GAS7: variants seen among roughly 807,000 people sequenced by gnomAD.
GAS7 encodes the protein growth arrest-specific protein 7.
A neutral mutation model predicts 71.1 loss-of-function variants in GAS7; 28 were observed. The observed-to-expected ratio is 0.39, with a 90% confidence interval of 0.29 to 0.54. The LOEUF (loss-of-function observed/expected upper bound fraction) is 0.54, where lower values mean the gene tolerates loss of function less well. Among genes scored for constraint, GAS7 ranks in the 20% least tolerant of loss-of-function variants. The probability of loss-of-function intolerance (pLI) is 0.62; values close to 1 mark genes in which losing one functional copy is unlikely to be tolerated. For missense variants in GAS7, 436 were observed against 627.8 expected (o/e 0.69, Z 3.27); for synonymous variants, 258 against 245.8 (o/e 1.05, Z -0.46).
In GAS7 at chr17:9,926,917, C is replaced by T; in HGVS notation, c.886-148G>A. 1.3e-6 allele frequency: 1 copy of T among 762,292 alleles called. No individual in the cohort carries two copies. The highest frequency in any genetic ancestry group is 2.2e-6 in the Non-Finnish European group (1 of 451,214). The allele number at this position is 762,292 out of a possible 1,614,324, so 47.2% of individuals were successfully genotyped here. On this transcript the variant is annotated intron_variant, in intron 9 of 13. Transcript: ENST00000432992. This position sits in a 1 kb window ranked among gnomAD's most constrained non-coding sequence, Gnocchi z 5.0. The stretch of plus-strand genomic sequence containing the variant: ...GACCTGGCAGGAAGGTGAGAGACAC[C>T]CCCTGACACGTGGCTGCCTATCAGG...
chr17:10,152,128 T>C (rs1223140992), intron 1 of GAS7, among the ~76,000 whole-genome samples: 1 of 152,144 alleles, frequency 6.6e-6, no homozygotes, highest in Non-Finnish European at 1.5e-5. Flanking sequence ...CACGTGTAGG[T>C]GGACTCTGCC....
intron 3 of GAS7, among the ~76,000 whole-genome samples, chr17:9,972,723 A>G (rs1011484624): frequency 5.3e-5 from 8 of 152,222 alleles, no homozygotes; most frequent in African/African-American, 2.4e-5. Flanking sequence ...CCAGGAAAGC[A>G]ATAAAAGTAG....
At position 9,913,733 on chromosome 17, in the gene GAS7, T is replaced by C. The variant is rs1461989870; in HGVS notation, c.*3495A>G. On this transcript the variant is annotated 3_prime_UTR_variant, in exon 14 of 14. Coordinates refer to ENST00000432992, the MANE Select transcript of GAS7 (RefSeq NM_201433.2). ...CCCCACGGTCCAAGGGGCCTATGTG[T>C]TGCCACTGACTGAAAGCACTAGAAA... The C allele has an allele frequency of 1.7e-5, 4 of 231,776 alleles. No homozygotes were observed. Among genetic ancestry groups the C allele is most frequent in the Non-Finnish European group, 3.4e-5 (4 of 117,190 alleles). 14.4% of individuals were successfully genotyped at this position (231,776 alleles called of 1,614,324 possible).
Position 9,992,037 on chromosome 17 carries a change from T to TGAA in GAS7, c.305-10154_305-10153insTTC, listed in dbSNP as rs752501319. Among the ~76,000 whole-genome samples, 8 of 152,320 alleles carry TGAA rather than the reference T, an allele frequency of 5.3e-5. No homozygotes were observed. The East Asian group carries it at 1.4e-3, about 26-fold the overall frequency. On this transcript the variant is annotated intron_variant, in intron 2 of 13. Coordinates refer to ENST00000432992, the MANE Select transcript of GAS7 (RefSeq NM_201433.2). The stretch of plus-strand genomic sequence containing the variant: ...GCCCAGACCTCACACCTGGAGCTTC[T>TGAA]GGTTGAGTAGGCTGGGAGGAACTCA...
chr17:10,085,884 TGAGTGACAGAGCCA>T (rs551266029), intron 1 of GAS7, among the ~76,000 whole-genome samples: 321 of 152,310 alleles, frequency 2.1e-3, no homozygotes, highest in African/African-American at 6.7e-3. Flanking sequence ...GCAGAGCTCC[TGAGTGACAGAGCCA>T]GAATTGGAGC....
At chr17:10,197,026 T>C (rs1173833398) in intron 1 of GAS7, among the ~76,000 whole-genome samples, 2 of 152,190 alleles carry the variant, frequency 1.3e-5, no homozygotes, top group East Asian at 1.9e-4. Context: ...ATGCTACTGA[T>C]GCCTTTAGGA....
intron 1 of GAS7, among the ~76,000 whole-genome samples, chr17:10,169,944 C>T (rs2074323725): frequency 6.6e-6 from 1 of 152,132 alleles, no homozygotes; most frequent in African/African-American, 2.4e-5. Flanking sequence ...CCAGCTCCTT[C>T]CTCCCATTTG....
At chr17:10,125,378 G>A (rs1567601769) in intron 1 of GAS7, among the ~76,000 whole-genome samples, 1 of 151,698 alleles carries the variant, frequency 6.6e-6, no homozygotes, top group Admixed American at 6.6e-5. Context: ...TTAGCTGGGT[G>A]TGATGGTGTG....
At chr17:9,955,247 C>G (rs1256617755) in intron 5 of GAS7, among the ~76,000 whole-genome samples, 14 of 152,184 alleles carry the variant, frequency 9.2e-5, no homozygotes, top group African/African-American at 3.1e-4. Flanking sequence ...ACAGGACTTT[C>G]CGCATGTGGA....
intron 1 of GAS7, among the ~76,000 whole-genome samples, chr17:10,196,108 G>A (rs1176958198): frequency 2.0e-5 from 3 of 152,156 alleles, no homozygotes; most frequent in Admixed American, 1.3e-4. Context: ...CCAACATGCT[G>A]ACCTCAGGGG....
intron 1 of GAS7, among the ~76,000 whole-genome samples, chr17:10,126,530 C>T (rs2073951642): frequency 1.6e-5 from 1 of 61,088 alleles, no homozygotes; most frequent in Admixed American, 1.9e-4. Flanking sequence ...CACACACAAG[C>T]ACACACACAA....
intron 1 of GAS7, chr17:10,059,859 G>A (rs1329931034): frequency 2.7e-5 from 26 of 963,908 alleles, no homozygotes; most frequent in Non-Finnish European, 3.2e-5. Flanking sequence ...GAGACTTGAC[G>A]TTGCCGTGGC....
At chr17:9,938,689 C>T (rs1001484176) in intron 8 of GAS7, among the ~76,000 whole-genome samples, 1 of 151,888 alleles carries the variant, frequency 6.6e-6, no homozygotes, top group East Asian at 1.9e-4. Context: ...GTTTCAGCCA[C>T]CCAGTCTGGG....
intron 1 of GAS7, among the ~76,000 whole-genome samples, chr17:10,121,684 C>T (rs140750450): frequency 6.6e-6 from 1 of 152,284 alleles, no homozygotes; most frequent in Non-Finnish European, 1.5e-5. Context: ...TCTCTCCACC[C>T]ACGAAACGAT....
chr17:9,981,764 G>A lies in GAS7; in HGVS notation c.385+40C>T, dbSNP rs1199434326. ...AGCCTCTCCACTGAATGTGGCATCA[G>A]GGCCCTCCCAGTTGCCCCAAAGCAG... On this transcript the variant is annotated intron_variant, in intron 3 of 13. Transcript: ENST00000432992. The surrounding 1 kb of genome is among the most constrained non-coding windows in gnomAD (Gnocchi z 4.4). 2.7e-6 allele frequency: 3 copies of A among 1,103,776 alleles called. No individual in the cohort carries two copies. In the African/African-American group the frequency reaches 4.6e-5, roughly 17 times the overall value. The allele number at this position is 1,103,776 out of a possible 1,614,324, so 68.4% of individuals were successfully genotyped here.
intron 4 of GAS7, among the ~76,000 whole-genome samples, chr17:9,966,647 A>G (rs2069727002): frequency 6.6e-6 from 1 of 152,158 alleles, no homozygotes; most frequent in African/African-American, 2.4e-5. Context: ...TTGTATGTTT[A>G]ACTCTTGGCA....
chr17:10,123,314 G>A (rs754617103), intron 1 of GAS7, among the ~76,000 whole-genome samples: 3 of 152,200 alleles, frequency 2.0e-5, no homozygotes, highest in Non-Finnish European at 4.4e-5. Flanking sequence ...GCAGGACCTG[G>A]GAATATGCAG....
chr17:10,054,740 C>T (rs2073112649), intron 1 of GAS7, among the ~76,000 whole-genome samples: 1 of 152,186 alleles, frequency 6.6e-6, no homozygotes. Flanking sequence ...TAGCCAGGAC[C>T]TCTTACACTG....
In GAS7 at chr17:9,954,491, G is replaced by C. The variant is rs959915327; in HGVS notation, c.525+4711C>G. 3.9e-5 allele frequency among the ~76,000 whole-genome samples: 5 copies of C among 129,308 alleles called. No homozygotes were observed. In the Admixed American group the frequency reaches 4.0e-4, roughly 10 times the overall value. The allele number at this position is 129,308 out of a possible 152,430, so 84.8% of individuals were successfully genotyped here. On this transcript the variant is annotated intron_variant, in intron 5 of 13. Transcript: ENST00000432992. ...GGGGGATGGGGGGTGGGGGGTGGGGGGTCATGATAGCAGCTGGGAGCAGCA... is the reference window on the plus strand; with the variant it reads ...GGGGGATGGGGGGTGGGGGGTGGGGCGTCATGATAGCAGCTGGGAGCAGCA...
Sources: gnomAD v4.1 joint callset for allele counts (sites outside exome capture counted in the v4.1 genomes callset) on GRCh38, gnomAD v4.1.1 for gene constraint, Gnocchi (gnomAD v3.1) non-coding constraint, MANE v1.5 for transcripts, NCBI Gene and HGNC (gene_info 2026-07-23, HGNC 2026-07-21) for gene names.